The following KIAA1671 variants were observed in gnomAD, a reference collection of about 807,000 sequenced individuals.
KIAA1671 encodes the protein KIAA1671.
A neutral mutation model predicts 131.2 loss-of-function variants in KIAA1671; 52 were observed. The ratio of observed to expected loss-of-function variants is 0.40; its 90% CI spans 0.32 to 0.50. The LOEUF (loss-of-function observed/expected upper bound fraction) is 0.50. Ranked by LOEUF, KIAA1671 falls within the 20% of genes least tolerant of loss-of-function variation. The pLI is 0.73. For missense variants in KIAA1671, 2,360 were observed against 2,364.2 expected (o/e 1.00, Z 0.04); for synonymous variants, 1,003 against 961.6 (o/e 1.04, Z -0.80).
chr22:25,138,425 G>T (rs1251373910), intron 6 of KIAA1671, among the ~76,000 whole-genome samples: 1 of 152,228 alleles, frequency 6.6e-6, no homozygotes, highest in Non-Finnish European at 1.5e-5. Flanking sequence ...GACATTGGAT[G>T]TATGTGCCTT....
intron 5 of KIAA1671, among the ~76,000 whole-genome samples, chr22:25,044,923 G>A (rs1039439252): frequency 2.8e-3 from 422 of 152,296 alleles, no homozygotes; most frequent in African/African-American, 8.9e-3. Context: ...CACTTTGGGA[G>A]GCCGAGGCGG....
At chr22:25,190,918 G>A in intron 12 of KIAA1671, 134 bp downstream of exon 12, 1 of 642,832 alleles carries the variant, frequency 1.6e-6, no homozygotes, top group South Asian at 1.8e-5. Flanking sequence ...AAGAATGAGG[G>A]GTGGGGGGTG....
At chr22:24,973,336 G>A (rs961537534) in intron 1 of KIAA1671, among the ~76,000 whole-genome samples, 4 of 146,470 alleles carry the variant, frequency 2.7e-5, no homozygotes, top group Admixed American at 2.1e-4. Flanking sequence ...CCCATGACCC[G>A]CCCATTCCCT....
At position 25,040,231 on chromosome 22, in the gene KIAA1671, T is replaced by C; in HGVS notation, c.3101T>C (p.Ile1034Thr). Residue 1034 changes from isoleucine to threonine, a missense_variant, in exon 5 of 13, where the codon ATT (isoleucine) becomes ACT (threonine). Ile to Thr is a moderately conservative substitution (Grantham distance 89, BLOSUM62 -1). Around this residue, in one of 3 missense-constraint regions of KIAA1671, gnomAD observed 1,161 missense variants for 1,204.7 expected, o/e 0.96. Coordinates refer to ENST00000358431, the MANE Select transcript of KIAA1671 (RefSeq NM_001145206.2). ...KATFFAVTYQ[I>T]PNTQKAKGVV... ...ACATTTTTTGCAGTCACCTATCAGA[T>C]TCCCAATACTCAAAAGGCAAAGGGT... 1 of 1,551,708 alleles carries C rather than the reference T, an allele frequency of 6.4e-7. No homozygotes were observed.
Position 25,049,292 on chromosome 22 carries a change from G to C in KIAA1671, c.4458G>C (p.Gln1486His). The C allele has an allele frequency of 6.4e-7, 1 of 1,551,874 alleles. No individual in the cohort carries two copies. The highest frequency in any genetic ancestry group is 8.7e-7 in the Non-Finnish European group (1 of 1,147,008). The change falls in exon 6 of 13, where the codon CAG (glutamine) becomes CAC (histidine). Residue 1486 changes from glutamine (Q) to histidine (H), a missense_variant. Coordinates refer to ENST00000358431, the MANE Select transcript of KIAA1671 (RefSeq NM_001145206.2). Reference sequence around the variant, plus strand: ...AGGAGAAGGAGCGACCGCTCCAGCAGGTGTCCCCTGTGGCCTCGGTTCCCT... The same window carrying C: ...AGGAGAAGGAGCGACCGCTCCAGCACGTGTCCCCTGTGGCCTCGGTTCCCT... The part of the protein sequence containing the change: ...APQEKERPLQ[Q>H]VSPVASVPWR...
intron 1 of KIAA1671, among the ~76,000 whole-genome samples, chr22:24,962,074 C>T (rs369129115): frequency 3.3e-5 from 5 of 152,198 alleles, no homozygotes; most frequent in South Asian, 4.1e-4. Context: ...ACCTGTGAGG[C>T]GAGATGGGAA....
intron 6 of KIAA1671, among the ~76,000 whole-genome samples, chr22:25,078,622 C>T (rs1330833735): frequency 1.3e-5 from 2 of 152,182 alleles, no homozygotes; most frequent in Non-Finnish European, 2.9e-5. Flanking sequence ...ATGGCCTTAT[C>T]GTAGTGCCTG....
chr22:25,034,438 T>C (rs1291902269), intron 4 of KIAA1671, among the ~76,000 whole-genome samples: 3 of 151,868 alleles, frequency 2.0e-5, no homozygotes, highest in Non-Finnish European at 1.5e-5. Flanking sequence ...TTCTAGACTT[T>C]AGTATAAATG....
In KIAA1671 at chr22:25,039,620, G is replaced by T. The variant is rs1363911171; in HGVS notation, c.2490G>T (p.Ser830=). The change falls in exon 5 of 13, where the codon TCG becomes TCT. Residue 830 remains serine (S), a synonymous_variant. Transcript: ENST00000358431. ...GGACAGGCGGGGCAGTGGTGAGCTCGCACAAAGCCACCGTGGCAGTCAGCG... is the reference window on the plus strand; with the variant it reads ...GGACAGGCGGGGCAGTGGTGAGCTCTCACAAAGCCACCGTGGCAGTCAGCG... ...PKWTGGAVVS[S]HKATVAVSEE... 10 of 1,549,898 alleles carry T rather than the reference G, an allele frequency of 6.5e-6. No homozygotes were observed. The African/African-American group carries it at 8.2e-5, about 13-fold the overall frequency.
At chr22:24,964,387 C>T (rs1922183943) in intron 1 of KIAA1671, among the ~76,000 whole-genome samples, 1 of 151,990 alleles carries the variant, frequency 6.6e-6, no homozygotes, top group Admixed American at 6.6e-5. Context: ...AGTATTAACT[C>T]TGTCCTAGGC....
chr22:25,128,870 T>C (rs1197009930), intron 6 of KIAA1671, among the ~76,000 whole-genome samples: 1 of 152,228 alleles, frequency 6.6e-6, no homozygotes, highest in Non-Finnish European at 1.5e-5. Flanking sequence ...TGGTTTGGAT[T>C]CCGTCCTTGG....
chr22:24,984,360 C>T lies in KIAA1671; in HGVS notation c.-208+31588C>T, dbSNP rs1923402161. ...TCACACAGCTAGGGGAAAGAAAGCT[C>T]AAGGCCTCAGCTAACATCTTCAGTC... On this transcript the variant is annotated intron_variant, in intron 1 of 12. Transcript: ENST00000358431. 3.3e-5 allele frequency among the ~76,000 whole-genome samples: 5 copies of T among 152,310 alleles called. No homozygotes were observed. In the South Asian group the frequency reaches 1.0e-3, roughly 32 times the overall value.
intron 6 of KIAA1671, among the ~76,000 whole-genome samples, chr22:25,073,489 C>T (rs1928937108): frequency 6.6e-6 from 1 of 152,202 alleles, no homozygotes; most frequent in Non-Finnish European, 1.5e-5. Context: ...AGCAAATTAA[C>T]ATACCTATCT....
chr22:24,980,199 T>C (rs909673044), intron 1 of KIAA1671, among the ~76,000 whole-genome samples: 3 of 152,100 alleles, frequency 2.0e-5, no homozygotes, highest in African/African-American at 7.2e-5. Context: ...TTGACTTGTT[T>C]CCACGTTTTA....
At chr22:25,171,036 C>G (rs1307833814) in intron 7 of KIAA1671, 98 bp downstream of exon 7, 4 of 897,340 alleles carry the variant, frequency 4.5e-6, no homozygotes, top group Non-Finnish European at 7.0e-6. Flanking sequence ...GCTAAAACCT[C>G]CAGTCTGTAA....
At chr22:25,108,598 G>A (rs1931153856) in intron 6 of KIAA1671, among the ~76,000 whole-genome samples, 1 of 152,194 alleles carries the variant, frequency 6.6e-6, no homozygotes, top group African/African-American at 2.4e-5. Flanking sequence ...GTGCGACCTA[G>A]CCCTGTGTAT....
chr22:25,087,573 ACTC>A (rs1226816611), intron 6 of KIAA1671, among the ~76,000 whole-genome samples: 16 of 152,054 alleles, frequency 1.1e-4, no homozygotes, highest in African/African-American at 3.6e-4. Context: ...ACAGAGCGAG[ACTC>A]CTCCATCTCA....
chr22:25,147,880 C>A (rs1364983574), intron 6 of KIAA1671, among the ~76,000 whole-genome samples: 1 of 152,108 alleles, frequency 6.6e-6, no homozygotes, highest in Non-Finnish European at 1.5e-5. Flanking sequence ...CTCTGTTTTT[C>A]CATTTTTGTA....
chr22:25,072,610 C>A (rs972280797), intron 6 of KIAA1671, among the ~76,000 whole-genome samples: 1 of 152,150 alleles, frequency 6.6e-6, no homozygotes, highest in Admixed American at 6.5e-5. Context: ...CTTGCTTGAC[C>A]TCTCAAGGAA....
Sources: gnomAD v4.1 joint callset for allele counts (sites outside exome capture counted in the v4.1 genomes callset) on GRCh38, gnomAD v4.1.1 for gene constraint, gnomAD v4.1.1 regional missense constraint, MANE v1.5 for transcripts, NCBI Gene and HGNC (gene_info 2026-07-23, HGNC 2026-07-21) for gene names.